The following RARRES2 variants were observed in gnomAD, a reference collection of about 807,000 sequenced individuals.
RARRES2 encodes retinoic acid receptor responder protein 2.
A neutral mutation model predicts 17.9 loss-of-function variants in RARRES2; 12 were observed. That is an observed-to-expected ratio of 0.67 (90% confidence interval 0.43 to 1.08). RARRES2 has a LOEUF of 1.08. Among genes scored for constraint, RARRES2 ranks in the 50% least tolerant of loss-of-function variants. The pLI, the probability that RARRES2 is intolerant of heterozygous loss-of-function variation, is 0.00. For synonymous variants in RARRES2, 82 were observed against 86.8 expected (o/e 0.94, Z 0.31); for missense variants, 220 against 210.1 (o/e 1.05, Z -0.29).
chr7:150,339,662 C>T (rs933547335), intron 3 of RARRES2, among the ~76,000 whole-genome samples: 7 of 150,958 alleles, frequency 4.6e-5, no homozygotes, highest in African/African-American at 1.7e-4. Flanking sequence ...AGAACACAGT[C>T]ACTGCACTCC....
chr7:150,340,722 C>T, intron 1 of RARRES2, 93 bp from the exon 2 acceptor site: 3 of 1,116,290 alleles, frequency 2.7e-6, no homozygotes, highest in Non-Finnish European at 1.2e-6. Context: ...GGAGCGGGGG[C>T]GGGGTCCAGG....
rs776345347 is a variant in RARRES2 at position 150,338,486 on chromosome 7, G to C, written c.*11-47C>G. ...TTTGGGGGTGAGGGAGGTTGCTTCAGCCCCAGTCCCAGCTTTCCTCCCAGG... is the reference window on the plus strand; with the variant it reads ...TTTGGGGGTGAGGGAGGTTGCTTCACCCCCAGTCCCAGCTTTCCTCCCAGG... On this transcript the variant is annotated intron_variant, in intron 5 of 5. Coordinates refer to ENST00000223271, the MANE Select transcript of RARRES2 (RefSeq NM_002889.4). The C allele has an allele frequency of 6.6e-6, 10 of 1,520,522 alleles. No individual in the cohort carries two copies. The South Asian group carries it at 1.2e-4, about 19-fold the overall frequency. 94.2% of individuals were successfully genotyped at this position (1,520,522 alleles called of 1,614,324 possible).
intron 4 of RARRES2, 108 bp downstream of exon 4, chr7:150,338,878 C>T: frequency 6.5e-7 from 1 of 1,540,666 alleles, no homozygotes; most frequent in Non-Finnish European, 8.9e-7. Context: ...GCCCCCACTG[C>T]CCTCCCTCCT....
intron 2 of RARRES2, 89 bp downstream of exon 2, chr7:150,340,347 A>G: frequency 6.5e-7 from 1 of 1,548,024 alleles, no homozygotes; most frequent in East Asian, 2.3e-5. Context: ...TGGGGCTCAG[A>G]GCCCAAGCAC....
At position 150,341,593 on chromosome 7, in the gene RARRES2, TG is replaced by T. The variant is rs1798491998; in HGVS notation, c.-37del. On this transcript the variant is annotated 5_prime_UTR_variant, in exon 1 of 6. Transcript: ENST00000223271. ...CCCTCCTCACGTCCTTCCCTGCGCC[TG>T]GAGGTCTCCCCTGACCGTCCCGCAG... 1 of 152,520 alleles carries T rather than the reference TG, an allele frequency of 6.6e-6. No individual in the cohort carries two copies. Among genetic ancestry groups the T allele is most frequent in the South Asian group, 2.1e-4 (1 of 4,838 alleles). The allele number at this position is 152,520 out of a possible 1,614,324, so 9.4% of individuals were successfully genotyped here.
At position 150,340,183 on chromosome 7, in the gene RARRES2, C is replaced by A. The variant is rs3210493; in HGVS notation, c.196G>T (p.Val66Leu). 13 of 1,614,210 alleles carry A rather than the reference C, an allele frequency of 8.1e-6. No homozygotes were observed. The highest frequency in any genetic ancestry group is 7.6e-6 in the Non-Finnish European group (9 of 1,180,036). Residue 66 changes from valine to leucine, a missense_variant, in exon 3 of 6, where the codon GTG (valine) becomes TTG (leucine). By Grantham distance (32) the Val-to-Leu change is conservative. Coordinates refer to ENST00000223271, the MANE Select transcript of RARRES2 (RefSeq NM_002889.4). ...TGCTGCAGCTTAAATTCCAGCCTCA[C>A]AAATATTCCAGCTGGGAAGGGCTGC... ...VDTPFPAGIF[V>L]RLEFKLQQTS...
chr7:150,338,992 A>G lies in RARRES2; in HGVS notation c.369T>C (p.Val123=). 6.2e-7 allele frequency: 1 copy of G among 1,605,050 alleles called. No homozygotes were observed. Residue 123 remains valine (V), a synonymous_variant, in exon 4 of 6, where the codon GTT becomes GTC. Transcript: ENST00000223271. ...RLVHCPIETQ[V]LREAEEHQET... ...CACCCTTGCCCCTTCTTACCCGCAG[A>G]ACTTGGGTCTCTATGGGGCAGTGGA... is the stretch of plus-strand genomic sequence containing the variant.
At position 150,340,565 on chromosome 7, in the gene RARRES2, C is replaced by G; in HGVS notation, c.45G>C (p.Val15=). The change falls in exon 2 of 6, where the codon GTG becomes GTC. Residue 15 remains valine, a synonymous_variant. Coordinates refer to ENST00000223271, the MANE Select transcript of RARRES2 (RefSeq NM_002889.4). The stretch of plus-strand genomic sequence containing the variant: ...CCGTGAGCTCGGCGACGCCCACGCC[C>G]ACCGCACCCAGCCACAGGGCCAGAG... The part of the protein sequence containing the change: ...LIPLALWLGA[V]GVGVAELTEA... 6.4e-7 allele frequency: 1 copy of G among 1,567,128 alleles called. No individual in the cohort carries two copies. Among genetic ancestry groups the G allele is most frequent in the Non-Finnish European group, 8.6e-7 (1 of 1,157,334 alleles).
intron 1 of RARRES2, 52 bp from the exon 2 acceptor site, chr7:150,340,681 C>A (rs941129988): frequency 2.1e-5 from 30 of 1,405,576 alleles, no homozygotes; most frequent in Non-Finnish European, 2.7e-5. Flanking sequence ...CGAGCCGCCT[C>A]CTCCCGCGCC....
In RARRES2 at chr7:150,338,707, CT is replaced by C; in HGVS notation, c.409del (p.Arg137GlyfsTer?). The C allele has an allele frequency of 6.4e-7, 1 of 1,555,604 alleles. No homozygotes were observed. The highest frequency in any genetic ancestry group is 8.7e-7 in the Non-Finnish European group (1 of 1,149,088). ...GGGGTCCTCACCAGCCCGCTGCACC[CT>C]GAGGCACTGGGTCTCCTGGTGCTCC... The part of the protein sequence containing the change: ...AEEHQETQCL[R>X]VQRAGEDPHS... On this transcript the variant is annotated frameshift_variant, in exon 5 of 6. Transcript: ENST00000223271. LOFTEE classifies it high-confidence loss of function.
chr7:150,338,814 C>T, intron 4 of RARRES2, 73 bp from the exon 5 acceptor site: 1 of 1,567,786 alleles, frequency 6.4e-7, no homozygotes, highest in African/African-American at 1.4e-5. Flanking sequence ...CCAGCATCCT[C>T]CACATCCCCT....
At chr7:150,340,320 C>A in intron 2 of RARRES2, 116 bp from the exon 3 acceptor site, 1 of 1,540,162 alleles carries the variant, frequency 6.5e-7, no homozygotes, top group Non-Finnish European at 8.9e-7. Flanking sequence ...TGGACAGTGG[C>A]CTTTTCTCCA....
At chr7:150,340,742 C>G (rs1798467110) in intron 1 of RARRES2, 113 bp from the exon 2 acceptor site, 1 of 905,494 alleles carries the variant, frequency 1.1e-6, no homozygotes, top group Non-Finnish European at 1.6e-6. Flanking sequence ...GCCTGTAGAA[C>G]GCTGGGCACA....
chr7:150,339,291 T>C (rs1487736883), intron 3 of RARRES2, among the ~76,000 whole-genome samples: 2 of 152,184 alleles, frequency 1.3e-5, no homozygotes, highest in Admixed American at 6.5e-5. Flanking sequence ...TTTCAAACTA[T>C]GGAACTTTCA....
intron 1 of RARRES2, 179 bp from the exon 2 acceptor site, chr7:150,340,808 C>T: frequency 1.8e-6 from 1 of 565,288 alleles, no homozygotes; most frequent in South Asian, 2.6e-5. Flanking sequence ...GTCCGCCTGG[C>T]CCTCTCCGTT....
intron 3 of RARRES2, 118 bp downstream of exon 3, chr7:150,339,979 GCTT>G: frequency 1.1e-6 from 1 of 891,492 alleles, no homozygotes; most frequent in Admixed American, 1.8e-5. Flanking sequence ...TAACCTCAGG[GCTT>G]CTTAATGGAC....
In RARRES2 at chr7:150,338,921, A is replaced by G. The variant is rs185217840; in HGVS notation, c.375+65T>C. ...CAAGCTTTAGCCTCGAGACCAGCCCATAGGCTCAGCTTCCATCCATCTTCC... is the reference window on the plus strand; with the variant it reads ...CAAGCTTTAGCCTCGAGACCAGCCCGTAGGCTCAGCTTCCATCCATCTTCC... On this transcript the variant is annotated intron_variant, in intron 4 of 5. Transcript: ENST00000223271. 9.7e-6 allele frequency: 15 copies of G among 1,547,546 alleles called. No homozygotes were observed. In the Admixed American group the frequency reaches 2.0e-4, roughly 21 times the overall value.
At position 150,338,512 on chromosome 7, in the gene RARRES2, C is replaced by T. The variant is rs1333303605; in HGVS notation, c.*11-73G>A. The T allele has an allele frequency of 7.2e-6, 11 of 1,518,564 alleles. No homozygotes were observed. In the East Asian group the frequency reaches 1.2e-4, roughly 17 times the overall value. 94.1% of individuals were successfully genotyped at this position (1,518,564 alleles called of 1,614,324 possible). ...CCCCAGTCCCAGCTTTCCTCCCAGGCTTCTGACCTGTCCCCTCCCAGGCTC... is the reference window on the plus strand; with the variant it reads ...CCCCAGTCCCAGCTTTCCTCCCAGGTTTCTGACCTGTCCCCTCCCAGGCTC... On this transcript the variant is annotated intron_variant, in intron 5 of 5. Transcript: ENST00000223271.
In RARRES2 at chr7:150,340,123, C is replaced by G; in HGVS notation, c.256G>C (p.Glu86Gln). The change falls in exon 3 of 6, where the codon GAG (glutamate) becomes CAG (glutamine). Residue 86 changes from glutamate (E) to glutamine (Q), a missense_variant. Physicochemically the swap from Glu to Gln is conservative, Grantham distance 29. Transcript: ENST00000223271. Reference sequence around the variant, plus strand: ...ACCCCATTGGGCCTGACTTTGCACTCGGGTTTCTTCCAGTCCCTCTTCCGG... The same window carrying G: ...ACCCCATTGGGCCTGACTTTGCACTGGGGTTTCTTCCAGTCCCTCTTCCGG... ...SCRKRDWKKP[E>Q]CKVRPNGRKR... 1 of 1,614,150 alleles carries G rather than the reference C, an allele frequency of 6.2e-7. No individual in the cohort carries two copies. The highest frequency in any genetic ancestry group is 8.5e-7 in the Non-Finnish European group (1 of 1,180,006).
Sources: gnomAD v4.1 joint callset for allele counts (sites outside exome capture counted in the v4.1 genomes callset) on GRCh38, gnomAD v4.1.1 for gene constraint, MANE v1.5 for transcripts, NCBI Gene and HGNC (gene_info 2026-07-23, HGNC 2026-07-21) for gene names.